Variants in VPS54 observed in about 807,000 individuals in gnomAD.
VPS54 encodes the protein vacuolar protein sorting-associated protein 54.
A neutral mutation model predicts 121.5 loss-of-function variants in VPS54; 45 were observed. The ratio of observed to expected loss-of-function variants is 0.37; its 90% CI spans 0.29 to 0.47. The LOEUF is 0.47. VPS54 is among the 20% of genes least tolerant of loss of function. VPS54 has a pLI of 0.99. For synonymous variants in VPS54, 371 were observed against 385.8 expected, an observed-to-expected ratio of 0.96 and a Z score of 0.45; for missense variants, 1,090 against 1,131.4, an observed-to-expected ratio of 0.96 and a Z score of 0.52.
At chr2:63,979,124 A>C (rs1467973738) in intron 3 of VPS54, among the ~76,000 whole-genome samples, 3 of 147,274 alleles carry the variant, frequency 2.0e-5, no homozygotes, top group African/African-American at 7.3e-5. Flanking sequence ...TTTCCTAATC[A>C]GTATGCCAAA....
chr2:64,001,694 C>A (rs1384652801), intron 1 of VPS54, among the ~76,000 whole-genome samples: 1 of 151,976 alleles, frequency 6.6e-6, no homozygotes. Flanking sequence ...GGGGGCCTGA[C>A]CAGTACCCTA....
Position 63,904,541 on chromosome 2 carries a change from A to T in VPS54, c.2626-4960T>A, listed in dbSNP as rs569847584. Reference sequence around the variant, plus strand: ...GTATCCAGCAATAGAACTTCAAGATACATATAACAAAAACTTGCAAAGATC... The same window carrying T: ...GTATCCAGCAATAGAACTTCAAGATTCATATAACAAAAACTTGCAAAGATC... On this transcript the variant is annotated intron_variant, in intron 20 of 22. Transcript: ENST00000272322. Among the ~76,000 whole-genome samples, 241 of 152,208 alleles carry T rather than the reference A, an allele frequency of 1.6e-3. 2 individuals are homozygous for T. Among genetic ancestry groups the T allele is most frequent in the African/African-American group, 5.5e-3 (228 of 41,526 alleles).
chr2:63,968,012 T>C (rs1189235649), intron 5 of VPS54, among the ~76,000 whole-genome samples: 1 of 152,168 alleles, frequency 6.6e-6, no homozygotes, highest in East Asian at 1.9e-4. Flanking sequence ...TGTGTAAAGA[T>C]TACATGAAGT....
chr2:63,932,501 C>T (rs190558443), intron 12 of VPS54, among the ~76,000 whole-genome samples: 1 of 152,074 alleles, frequency 6.6e-6, no homozygotes, highest in African/African-American at 2.4e-5. Context: ...ACACCAGGGC[C>T]TGTGAAGGGT....
At chr2:63,984,114 T>G in intron 1 of VPS54, 95 bp from the exon 2 acceptor site, 1 of 1,157,020 alleles carries the variant, frequency 8.6e-7, no homozygotes, top group Non-Finnish European at 1.1e-6. Flanking sequence ...AAAAGAATTT[T>G]TCAAAATACC....
chr2:64,000,038 C>A (rs925059363), intron 1 of VPS54, among the ~76,000 whole-genome samples: 1 of 151,748 alleles, frequency 6.6e-6, no homozygotes, highest in Non-Finnish European at 1.5e-5. Context: ...TTTTTTGTAT[C>A]TTTAGTAGAG....
chr2:63,916,856 T>G (rs1403591544), intron 16 of VPS54, 44 bp downstream of exon 16: 2 of 1,590,258 alleles, frequency 1.3e-6, no homozygotes, highest in Non-Finnish European at 1.7e-6. Context: ...AGACTTGTGT[T>G]TTAAATAGTT....
intron 15 of VPS54, 52 bp from the exon 16 acceptor site, chr2:63,917,015 T>G: frequency 6.3e-7 from 1 of 1,582,654 alleles, no homozygotes; most frequent in Non-Finnish European, 8.7e-7. Context: ...CGAAACAAAA[T>G]AGAGAAAAAG....
intron 18 of VPS54, among the ~76,000 whole-genome samples, chr2:63,912,950 C>G (rs1021734075): frequency 1.3e-5 from 2 of 152,068 alleles, no homozygotes; most frequent in African/African-American, 4.8e-5. Context: ...TAGCTTTCAC[C>G]CCCAAATACT....
intron 3 of VPS54, among the ~76,000 whole-genome samples, chr2:63,972,526 T>TTATG (rs2104588486): frequency 6.6e-6 from 1 of 152,228 alleles, no homozygotes; most frequent in South Asian, 2.1e-4. Flanking sequence ...TGGAAAATAT[T>TTATG]TATGTATGAA....
chr2:63,898,554 C>A (rs529303415), intron 21 of VPS54, among the ~76,000 whole-genome samples: 12 of 152,088 alleles, frequency 7.9e-5, no homozygotes, highest in African/African-American at 2.9e-4. Flanking sequence ...AGGAGACCAG[C>A]AGGACCAACA....
intron 12 of VPS54, among the ~76,000 whole-genome samples, chr2:63,922,494 A>G (rs72891054): frequency 0.098 from 14,981 of 152,284 alleles, 1,226 homozygotes; most frequent in African/African-American, 0.23. Context: ...GCTTCAAAAT[A>G]ACAGAAGAAT....
chr2:63,981,852 C>G lies in VPS54; in HGVS notation c.172G>C (p.Val58Leu). The change falls in exon 3 of 23, where the codon GTT (valine) becomes CTT (leucine). Residue 58 changes from valine to leucine, a missense_variant. Val to Leu is a conservative substitution (Grantham distance 32). Coordinates refer to ENST00000272322, the MANE Select transcript of VPS54 (RefSeq NM_016516.3). ...SHSLYVAPSLVTDQHRWTVYH... is the reference protein window; with the variant it reads ...SHSLYVAPSLLTDQHRWTVYH... Reference sequence around the variant, plus strand: ...ACAGTCCATCTATGTTGATCTGTAACTAGAGATGGGGCAACATATAAACTA... The same window carrying G: ...ACAGTCCATCTATGTTGATCTGTAAGTAGAGATGGGGCAACATATAAACTA... 1.2e-6 allele frequency: 2 copies of G among 1,613,064 alleles called. No individual in the cohort carries two copies. Among genetic ancestry groups the G allele is most frequent in the Non-Finnish European group, 1.7e-6 (2 of 1,179,466 alleles).
At chr2:63,902,352 A>G (rs1000047525) in intron 20 of VPS54, among the ~76,000 whole-genome samples, 1 of 152,210 alleles carries the variant, frequency 6.6e-6, no homozygotes, top group African/African-American at 2.4e-5. Context: ...GTAGCAGCCT[A>G]CTACTGAAGG....
chr2:63,899,804 T>A (rs1474070979), intron 20 of VPS54, among the ~76,000 whole-genome samples: 1 of 152,206 alleles, frequency 6.6e-6, no homozygotes, highest in Non-Finnish European at 1.5e-5. Flanking sequence ...GCTCAGTGAC[T>A]AAGAACAAAG....
intron 1 of VPS54, among the ~76,000 whole-genome samples, chr2:63,996,244 T>C (rs1015339167): frequency 2.8e-4 from 43 of 152,324 alleles, no homozygotes; most frequent in African/African-American, 1.0e-3. Context: ...TTAATACTTT[T>C]ATAATTTCTT....
At chr2:63,985,229 G>C (rs1676992686) in intron 1 of VPS54, among the ~76,000 whole-genome samples, 1 of 152,090 alleles carries the variant, frequency 6.6e-6, no homozygotes, top group East Asian at 1.9e-4. Context: ...TGAGGTGAGA[G>C]GATTGCTTGA....
rs766245666 is a variant in VPS54, at chr2:63,893,578, C to G, written c.2829-43G>C. ...AATTATTTTTTAAATCTCAAACTTT[C>G]TATTCAGATAATTAAAGTAACAGTG... On this transcript the variant is annotated intron_variant, in intron 22 of 22. Transcript: ENST00000272322. The G allele has an allele frequency of 8.4e-6, 13 of 1,544,518 alleles. No homozygotes were observed. The Admixed American group carries it at 1.1e-4, about 13-fold the overall frequency.
intron 20 of VPS54, among the ~76,000 whole-genome samples, chr2:63,900,721 G>A (rs1007635827): frequency 2.0e-5 from 3 of 151,992 alleles, no homozygotes; most frequent in Non-Finnish European, 4.4e-5. Context: ...AATATTCCAG[G>A]TAGAGGACAG....
Sources: gnomAD v4.1 joint callset for allele counts (sites outside exome capture counted in the v4.1 genomes callset) on GRCh38, gnomAD v4.1.1 for gene constraint, MANE v1.5 for transcripts, NCBI Gene and HGNC (gene_info 2026-07-23, HGNC 2026-07-21) for gene names.